Variants in AK9 observed in about 807,000 individuals in gnomAD.
The protein encoded by AK9 is adenylate kinase 9.
A neutral mutation model predicts 239.6 loss-of-function variants in AK9; 191 were observed. That is an observed-to-expected ratio of 0.80 (90% CI 0.71 to 0.90). AK9 has a LOEUF of 0.90. AK9 is among the 40% of genes least tolerant of loss of function. AK9 has a pLI of 0.00. For missense variants in AK9, 1,995 were observed against 2,214.7 expected (o/e 0.90, Z 1.99); for synonymous variants, 689 against 721.0 (o/e 0.96, Z 0.71).
chr6:109,598,935 T>C (rs1423341359), intron 17 of AK9, among the ~76,000 whole-genome samples: 2 of 152,112 alleles, frequency 1.3e-5, no homozygotes, highest in African/African-American at 4.8e-5. Context: ...GTTTTTTTCT[T>C]GTAAATTTGT....
chr6:109,507,869 C>T (rs886094685), intron 33 of AK9, among the ~76,000 whole-genome samples: 5 of 152,210 alleles, frequency 3.3e-5, no homozygotes, highest in East Asian at 3.8e-4. Flanking sequence ...CCAATCCCAG[C>T]GGCCATACTT....
At chr6:109,554,525 C>CTTTTTTTTTTTTTTTTTTTTTTTTTT (rs3060760) in intron 24 of AK9, among the ~76,000 whole-genome samples, 1 of 77,462 alleles carries the variant, frequency 1.3e-5, no homozygotes, top group Non-Finnish European at 2.5e-5. Context: ...TATTTCTTTT[C>CTTTTTTTTTTTTTTTTTTTTTTTTTT]TTTTTTTTTT....
intron 27 of AK9, among the ~76,000 whole-genome samples, chr6:109,534,874 C>T (rs948374125): frequency 4.6e-5 from 7 of 151,934 alleles, no homozygotes; most frequent in Non-Finnish European, 8.8e-5. Flanking sequence ...TTTGTCCTCA[C>T]GATAGTTTGC....
chr6:109,547,121 C>T (rs1244653789), intron 25 of AK9, among the ~76,000 whole-genome samples: 1 of 152,010 alleles, frequency 6.6e-6, no homozygotes, highest in Non-Finnish European at 1.5e-5. Context: ...CTTAAATGAC[C>T]CCCAACACCA....
At chr6:109,664,283 C>T (rs747462458) in intron 5 of AK9, among the ~76,000 whole-genome samples, 3 of 152,140 alleles carry the variant, frequency 2.0e-5, no homozygotes, top group Admixed American at 2.0e-4. Flanking sequence ...TTGAGAACCA[C>T]TATCTTAATG....
At chr6:109,577,904 C>G (rs6902721) in intron 20 of AK9, among the ~76,000 whole-genome samples, 6,598 of 137,182 alleles carry the variant, frequency 0.048, 257 homozygotes, top group Admixed American at 0.12. Context: ...CTCTCTTTCT[C>G]TCTTTCTTTC....
At chr6:109,498,075 T>C in intron 36 of AK9, 110 bp from the exon 37 acceptor site, 1 of 1,009,956 alleles carries the variant, frequency 9.9e-7, no homozygotes, top group Non-Finnish European at 1.5e-6. Flanking sequence ...AGCAGCGTTC[T>C]GCTGCTCCTC....
intron 12 of AK9, chr6:109,632,347 T>G: frequency 2.1e-6 from 2 of 972,932 alleles, no homozygotes; most frequent in Non-Finnish European, 2.4e-6. Flanking sequence ...CCTTCTAGAA[T>G]TCCTCCACAT....
intron 29 of AK9, among the ~76,000 whole-genome samples, chr6:109,520,597 T>C (rs1340864267): frequency 6.6e-6 from 1 of 152,134 alleles, no homozygotes; most frequent in African/African-American, 2.4e-5. Context: ...ATTTGGGGCT[T>C]CTGTTTTGGT....
At chr6:109,533,953 C>T (rs974838210) in intron 27 of AK9, among the ~76,000 whole-genome samples, 5 of 152,146 alleles carry the variant, frequency 3.3e-5, no homozygotes, top group Admixed American at 2.6e-4. Flanking sequence ...TTAAAGAGTA[C>T]ACCTGGCCAG....
At chr6:109,686,512 G>C (rs566728412) in intron 1 of AK9, among the ~76,000 whole-genome samples, 1 of 152,190 alleles carries the variant, frequency 6.6e-6, no homozygotes, top group East Asian at 1.9e-4. Context: ...TTTTTGAGTG[G>C]GGCACACAGC....
At chr6:109,530,869 C>G (rs1295470752) in intron 28 of AK9, among the ~76,000 whole-genome samples, 3 of 151,962 alleles carry the variant, frequency 2.0e-5, no homozygotes, top group African/African-American at 7.3e-5. Flanking sequence ...ATGGTGAAAC[C>G]CCGTCTATAC....
At chr6:109,653,809 C>G (rs1487451803) in intron 8 of AK9, among the ~76,000 whole-genome samples, 3 of 152,060 alleles carry the variant, frequency 2.0e-5, no homozygotes, top group Admixed American at 6.6e-5. Flanking sequence ...GTTGGGATTA[C>G]AGGCATGAGC....
At chr6:109,518,556 T>C (rs1779499599) in intron 29 of AK9, among the ~76,000 whole-genome samples, 1 of 151,940 alleles carries the variant, frequency 6.6e-6, no homozygotes, top group African/African-American at 2.4e-5. Flanking sequence ...AATTATATAG[T>C]ATTGTATAAG....
Position 109,497,571 on chromosome 6 carries a change from A to T in AK9, c.5217-8T>A. On this transcript the variant is annotated splice_region_variant and splice_polypyrimidine_tract_variant and intron_variant, in intron 37 of 40. Transcript: ENST00000424296. Reference sequence around the variant, plus strand: ...GGTACTAGAGCTTCATATCTGGAAGACCAAAAAACAAAACAAAACCTCTAT... The same window carrying T: ...GGTACTAGAGCTTCATATCTGGAAGTCCAAAAAACAAAACAAAACCTCTAT... 1 of 1,556,170 alleles carries T rather than the reference A, an allele frequency of 6.4e-7. No individual in the cohort carries two copies. The highest frequency in any genetic ancestry group is 8.8e-7 in the Non-Finnish European group (1 of 1,136,764).
intron 17 of AK9, among the ~76,000 whole-genome samples, chr6:109,603,546 C>G (rs1047438052): frequency 5.3e-5 from 8 of 152,178 alleles, no homozygotes; most frequent in Non-Finnish European, 1.2e-4. Context: ...GGCAGTCTGT[C>G]CGTTCTGAGA....
intron 13 of AK9, among the ~76,000 whole-genome samples, chr6:109,617,635 A>G (rs1441462492): frequency 6.6e-6 from 1 of 152,202 alleles, no homozygotes; most frequent in Non-Finnish European, 1.5e-5. Context: ...TATATCTAAT[A>G]CAAAATGTAT....
In AK9 at chr6:109,656,658, GATA is replaced by G. The variant is rs1236574466; in HGVS notation, c.759+95_759+97del. 18 of 1,335,766 alleles carry G rather than the reference GATA, an allele frequency of 1.3e-5. 1 individual carries two copies. In the South Asian group the frequency reaches 2.4e-4, roughly 18 times the overall value. The allele number at this position is 1,335,766 out of a possible 1,614,324, so 82.7% of individuals were successfully genotyped here. On this transcript the variant is annotated intron_variant, in intron 8 of 40. Transcript: ENST00000424296. The stretch of plus-strand genomic sequence containing the variant: ...CAAAGCTCAAGGGGAGAATCAGACA[GATA>G]ATAACACATGGGGATGAAGACATGT...
chr6:109,516,727 A>T, intron 29 of AK9, 85 bp from the exon 30 acceptor site: 1 of 1,201,422 alleles, frequency 8.3e-7, no homozygotes, highest in South Asian at 1.4e-5. Flanking sequence ...AATATTTTGT[A>T]ATGGCTCGAT....
Sources: gnomAD v4.1 joint callset for allele counts (sites outside exome capture counted in the v4.1 genomes callset) on GRCh38, gnomAD v4.1.1 for gene constraint, MANE v1.5 for transcripts, NCBI Gene and HGNC (gene_info 2026-07-23, HGNC 2026-07-21) for gene names.